The following NDE1 variants were observed in gnomAD, a reference collection of about 807,000 sequenced individuals.
The protein encoded by NDE1 is nudE neurodevelopment protein 1.
Under a neutral mutation model 43.4 loss-of-function variants are expected in NDE1, and 28 were observed. The ratio of observed to expected loss-of-function variants is 0.65; its 90% CI spans 0.48 to 0.89. NDE1 has a LOEUF of 0.89. NDE1 is among the 40% of genes least tolerant of loss of function. The pLI, the probability that NDE1 is intolerant of heterozygous loss-of-function variation, is 0.00. For synonymous variants in NDE1, 184 were observed against 172.0 expected (o/e 1.07, Z -0.55); for missense variants, 441 against 434.1 (o/e 1.02, Z -0.14).
chr16:15,703,295 C>T (rs1443276314), intron 8 of NDE1: 2 of 226,662 alleles, frequency 8.8e-6, no homozygotes, highest in Non-Finnish European at 1.8e-5. Context: ...GGTGTGGAAA[C>T]CAGGAGAGGG....
intron 8 of NDE1, among the ~76,000 whole-genome samples, chr16:15,722,728 C>T (rs994987798): frequency 6.6e-6 from 1 of 152,134 alleles, no homozygotes; most frequent in Non-Finnish European, 1.5e-5. Flanking sequence ...CATTTAGCCT[C>T]ACTGTACAAT....
intron 8 of NDE1, chr16:15,717,889 G>A (rs1596707550): frequency 3.6e-6 from 1 of 279,594 alleles, no homozygotes; most frequent in East Asian, 8.9e-5. Context: ...CCTGGAGAAT[G>A]ATGCCTGTTC....
intron 1 of NDE1, among the ~76,000 whole-genome samples, chr16:15,653,984 C>T (rs1041691659): frequency 2.0e-5 from 3 of 152,022 alleles, no homozygotes; most frequent in Non-Finnish European, 4.4e-5. Context: ...GCCTGCCTCA[C>T]CCTCCCAAAG....
At chr16:15,690,785 C>T (rs1316706806) in intron 5 of NDE1, among the ~76,000 whole-genome samples, 1 of 152,046 alleles carries the variant, frequency 6.6e-6, no homozygotes, top group Non-Finnish European at 1.5e-5. Context: ...CTGCACCCCA[C>T]CAACCCTAAG....
intron 6 of NDE1, among the ~76,000 whole-genome samples, chr16:15,692,999 C>T (rs2038827220): frequency 6.8e-6 from 1 of 146,534 alleles, no homozygotes; most frequent in Non-Finnish European, 1.5e-5. Context: ...AAATTTCTTT[C>T]TCTCTTTTTT....
Position 15,686,174 on chromosome 16 carries a change from A to T in NDE1, c.387-1201A>T, listed in dbSNP as rs546376907. On this transcript the variant is annotated intron_variant, in intron 4 of 8. Coordinates refer to ENST00000396354, the MANE Select transcript of NDE1 (RefSeq NM_017668.3). ...ACCATGTCGGCCAGGCTGGTCTCGA[A>T]CTCCTGACCTCAAGTGATCCGCCCG... Among the ~76,000 whole-genome samples the T allele has an allele frequency of 1.7e-3, 255 of 151,846 alleles. 1 individual carries two copies. Among genetic ancestry groups the T allele is most frequent in the Non-Finnish European group, 2.8e-3 (191 of 67,916 alleles).
chr16:15,692,146 AACAG>A (rs1280754984), intron 6 of NDE1, among the ~76,000 whole-genome samples: 1 of 152,032 alleles, frequency 6.6e-6, no homozygotes, highest in Non-Finnish European at 1.5e-5. Flanking sequence ...AGATATTAAT[AACAG>A]ACAGTTAAGG....
intron 8 of NDE1, chr16:15,719,144 T>C: frequency 2.1e-6 from 3 of 1,444,558 alleles, no homozygotes; most frequent in Non-Finnish European, 2.9e-6. Context: ...ATTTAAAAAA[T>C]AAAATGGGGG....
At chr16:15,673,964 C>G (rs1452400870) in intron 3 of NDE1, among the ~76,000 whole-genome samples, 1 of 152,128 alleles carries the variant, frequency 6.6e-6, no homozygotes, top group South Asian at 2.1e-4. Flanking sequence ...TTGGCCCAGT[C>G]ATTTGCTACT....
At chr16:15,719,166 G>A in intron 8 of NDE1, 2 of 1,530,880 alleles carry the variant, frequency 1.3e-6, no homozygotes, top group Middle Eastern at 1.7e-4. Context: ...CGAGGATGCT[G>A]CCTGTCCCCC....
intron 3 of NDE1, among the ~76,000 whole-genome samples, chr16:15,675,535 C>T (rs1434071365): frequency 6.6e-6 from 1 of 151,642 alleles, no homozygotes; most frequent in East Asian, 1.9e-4. Context: ...CTCCTGGTCT[C>T]AGGCAGTCTT....
At chr16:15,650,721 T>G (rs1380223320) in intron 1 of NDE1, among the ~76,000 whole-genome samples, 3 of 151,900 alleles carry the variant, frequency 2.0e-5, no homozygotes, top group Admixed American at 2.0e-4. Flanking sequence ...CTCCCCATAC[T>G]CCTCTCCTAG....
chr16:15,688,587 T>G (rs1179142473), intron 5 of NDE1, among the ~76,000 whole-genome samples: 1 of 120,072 alleles, frequency 8.3e-6, no homozygotes, highest in Non-Finnish European at 1.6e-5. Flanking sequence ...GAGCCAAAAT[T>G]ACACCATTGC....
At chr16:15,650,031 C>G (rs911047668), upstream of NDE1, among the ~76,000 whole-genome samples, 1 of 152,242 alleles carries the variant, frequency 6.6e-6, no homozygotes, top group African/African-American at 2.4e-5. Context: ...GCCCAGCGCC[C>G]GGCAGCCGGC....
chr16:15,712,881 A>ATTTTTTTTTTTTTTTTTTTTTTTTTT (rs1567680172), intron 8 of NDE1: 1 of 65,934 alleles, frequency 1.5e-5, no homozygotes, highest in Admixed American at 1.3e-4. Context: ...CTTCACATAC[A>ATTTTTTTTTTTTTTTTTTTTTTTTTT]GTTTTTTTTT....
intron 8 of NDE1, chr16:15,721,267 C>A: frequency 1.0e-6 from 1 of 996,624 alleles, no homozygotes; most frequent in Non-Finnish European, 1.5e-6. Context: ...ATTCTCAGCC[C>A]CTCCCAGCCC....
chr16:15,692,760 A>G (rs374794590), intron 6 of NDE1, among the ~76,000 whole-genome samples: 9 of 149,540 alleles, frequency 6.0e-5, no homozygotes, highest in African/African-American at 2.2e-4. Context: ...TTTTAGAGAC[A>G]CAGTCTTGGT....
chr16:15,719,420 A>G, intron 8 of NDE1: 3 of 1,476,072 alleles, frequency 2.0e-6, no homozygotes, highest in South Asian at 2.3e-5. Flanking sequence ...CTCTGAGCTC[A>G]GGGGAGGCCC....
intron 8 of NDE1, chr16:15,704,029 G>C (rs772155686): frequency 6.2e-7 from 1 of 1,614,018 alleles, no homozygotes; most frequent in Non-Finnish European, 8.5e-7. Context: ...TCTGCGTCTC[G>C]AGTGTCCGTT....
Sources: allele counts gnomAD v4.1 joint callset (sites outside exome capture counted in the v4.1 genomes callset), GRCh38; gene constraint gnomAD v4.1.1; transcripts MANE v1.5; gene names NCBI Gene and HGNC (gene_info 2026-07-23, HGNC 2026-07-21).